MAP3K20: variants seen among roughly 807,000 people sequenced by gnomAD.
MAP3K20 encodes the protein mitogen-activated protein kinase kinase kinase 20.
MAP3K20 carries 40 observed loss-of-function variants against 85.7 expected under a neutral mutation model. That is an observed-to-expected ratio of 0.47 (90% CI 0.36 to 0.61). The LOEUF is 0.61. Ranked by LOEUF, MAP3K20 falls within the 20% of genes least tolerant of loss-of-function variation. The pLI is 0.00. For missense variants in MAP3K20, 817 were observed against 961.7 expected (o/e 0.85, Z 1.99); for synonymous variants, 325 against 327.7 (o/e 0.99, Z 0.09).
chr2:173,151,448 ACAGT>A (rs1007142085), intron 2 of MAP3K20, among the ~76,000 whole-genome samples: 20 of 152,296 alleles, frequency 1.3e-4, no homozygotes, highest in African/African-American at 4.6e-4. Context: ...CCCAAGTCAC[ACAGT>A]CATTCAGTAT....
intron 12 of MAP3K20, among the ~76,000 whole-genome samples, chr2:173,229,972 T>C (rs1684484235): frequency 6.6e-6 from 1 of 152,106 alleles, no homozygotes; most frequent in Non-Finnish European, 1.5e-5. Context: ...GCTAAGACTA[T>C]AGGTTCCCAC....
At chr2:173,244,456 T>C (rs1032642018) in intron 16 of MAP3K20, among the ~76,000 whole-genome samples, 1 of 152,208 alleles carries the variant, frequency 6.6e-6, no homozygotes, top group African/African-American at 2.4e-5. Flanking sequence ...CCCGTTAGCA[T>C]TTGGGTGAGA....
chr2:173,102,179 A>G (rs1022695516), intron 2 of MAP3K20, among the ~76,000 whole-genome samples: 3 of 152,220 alleles, frequency 2.0e-5, no homozygotes, highest in African/African-American at 7.2e-5. Context: ...GAAAAGAATA[A>G]TAAACATAAT....
Position 173,198,222 on chromosome 2 carries a change from A to G in MAP3K20, c.669+110A>G. The G allele has an allele frequency of 3.0e-6, 3 of 987,168 alleles. No homozygotes were observed. The highest frequency in any genetic ancestry group is 4.5e-6 in the Non-Finnish European group (3 of 663,058). 61.2% of individuals were successfully genotyped at this position (987,168 alleles called of 1,614,324 possible). A position where few individuals can be genotyped will look rare whatever the true frequency, so the allele number is the denominator to read the frequency against. On this transcript the variant is annotated intron_variant, in intron 8 of 19. Coordinates refer to ENST00000375213, the MANE Select transcript of MAP3K20 (RefSeq NM_016653.3). This position sits in a 1 kb window ranked among gnomAD's most constrained non-coding sequence, Gnocchi z 5.8. ...TGAAAGTAAGTTCACGCTTATGGAA[A>G]GATTAGCAGTAGGAGCTAACACAAA...
rs1230965954 is a variant in MAP3K20 at position 173,193,202 on chromosome 2, G to A, written c.582+2025G>A. On this transcript the variant is annotated intron_variant, in intron 7 of 19. Transcript: ENST00000375213. Reference sequence around the variant, plus strand: ...TATATAAACATGTTTGTTGGTGTTAGGTATATATGTATGTTGGTTATAGTT... The same window carrying A: ...TATATAAACATGTTTGTTGGTGTTAAGTATATATGTATGTTGGTTATAGTT... The A allele has an allele frequency of 3.3e-5, 5 of 152,116 alleles. No individual in the cohort carries two copies. In the South Asian group the frequency reaches 6.2e-4, roughly 19 times the overall value. 9.4% of individuals were successfully genotyped at this position (152,116 alleles called of 1,614,324 possible).
chr2:173,256,341 C>A (rs1339872881), intron 16 of MAP3K20, among the ~76,000 whole-genome samples: 1 of 151,900 alleles, frequency 6.6e-6, no homozygotes, highest in Non-Finnish European at 1.5e-5. Context: ...CTTCAAAAAA[C>A]ACAGAGCCAG....
intron 10 of MAP3K20, chr2:173,215,771 G>C (rs1214065515): frequency 6.6e-6 from 1 of 152,186 alleles, no homozygotes; most frequent in Non-Finnish European, 1.5e-5. Context: ...CATTCACTTA[G>C]TTATTATCTG....
chr2:173,242,014 A>C (rs1671360446), intron 16 of MAP3K20, among the ~76,000 whole-genome samples: 1 of 152,168 alleles, frequency 6.6e-6, no homozygotes. Context: ...CTGATGGTAA[A>C]CAAATTGCAC....
chr2:173,082,313 T>G (rs897799306), intron 1 of MAP3K20, among the ~76,000 whole-genome samples: 1 of 152,212 alleles, frequency 6.6e-6, no homozygotes, highest in Non-Finnish European at 1.5e-5. Context: ...CAGATAGCCT[T>G]GCCTCTTGAT....
chr2:173,130,129 G>A (rs1688566409), intron 2 of MAP3K20, among the ~76,000 whole-genome samples: 1 of 152,218 alleles, frequency 6.6e-6, no homozygotes, highest in African/African-American at 2.4e-5. Context: ...GGTCAAACAA[G>A]TGCATCTGAT....
intron 2 of MAP3K20, among the ~76,000 whole-genome samples, chr2:173,129,267 T>C (rs969378151): frequency 6.6e-6 from 1 of 152,224 alleles, no homozygotes. Context: ...TATGTAACAC[T>C]ATATGAATAC....
In MAP3K20 at chr2:173,105,828, G is replaced by A. The variant is rs189526505; in HGVS notation, c.159+14638G>A. Among the ~76,000 whole-genome samples, 54 of 152,300 alleles carry A rather than the reference G, an allele frequency of 3.5e-4. No homozygotes were observed. The East Asian group carries it at 0.01, about 29-fold the overall frequency. On this transcript the variant is annotated intron_variant, in intron 2 of 19. Coordinates refer to ENST00000375213, the MANE Select transcript of MAP3K20 (RefSeq NM_016653.3). ...GGGATGATGGAAAAATTCTGGTAAT[G>A]AATAATGATGAGAGTTGCACAACAG...
At chr2:173,219,837 G>T (rs187421236) in intron 11 of MAP3K20, among the ~76,000 whole-genome samples, 1 of 152,200 alleles carries the variant, frequency 6.6e-6, no homozygotes, top group Non-Finnish European at 1.5e-5. Flanking sequence ...GGGAGGCTGA[G>T]GGGGGTGGAT....
intron 2 of MAP3K20, among the ~76,000 whole-genome samples, chr2:173,148,255 C>T (rs1689193855): frequency 6.6e-6 from 1 of 152,084 alleles, no homozygotes; most frequent in African/African-American, 2.4e-5. Context: ...ACAAACATAC[C>T]CTTAAGTGGA....
intron 11 of MAP3K20, among the ~76,000 whole-genome samples, chr2:173,227,966 T>A (rs1684431569): frequency 6.6e-6 from 1 of 152,226 alleles, no homozygotes. Context: ...CCTATTTTTC[T>A]TTGATCCAGT....
chr2:173,223,435 CTAA>C (rs1341828753), intron 11 of MAP3K20: 1 of 984,376 alleles, frequency 1.0e-6, no homozygotes, highest in Non-Finnish European at 1.2e-6. Context: ...CGGAAAGTGG[CTAA>C]TGTTAGCTAC....
chr2:173,243,978 A>G (rs1684859125), intron 16 of MAP3K20, among the ~76,000 whole-genome samples: 1 of 152,170 alleles, frequency 6.6e-6, no homozygotes, highest in African/African-American at 2.4e-5. Flanking sequence ...GATGAATTGG[A>G]AAGGGGCCGC....
At chr2:173,147,202 A>G (rs1689161569) in intron 2 of MAP3K20, among the ~76,000 whole-genome samples, 1 of 152,068 alleles carries the variant, frequency 6.6e-6, no homozygotes, top group African/African-American at 2.4e-5. Context: ...AACGTTCTTC[A>G]TTTTGGGGGC....
At chr2:173,209,659 A>G in intron 9 of MAP3K20, 70 bp from the exon 10 acceptor site, 2 of 1,282,896 alleles carry the variant, frequency 1.6e-6, no homozygotes, top group Non-Finnish European at 2.2e-6. Context: ...TGCTTGTAGT[A>G]TCTACGTTTT....
Sources: gnomAD v4.1 joint callset for allele counts (sites outside exome capture counted in the v4.1 genomes callset) on GRCh38, gnomAD v4.1.1 for gene constraint, Gnocchi (gnomAD v3.1) non-coding constraint, MANE v1.5 for transcripts, NCBI Gene and HGNC (gene_info 2026-07-23, HGNC 2026-07-21) for gene names.